The following DSCAM variants were observed in gnomAD, a reference collection of about 807,000 sequenced individuals.
DSCAM encodes the protein DS cell adhesion molecule, also known as cell adhesion molecule DSCAM.
DSCAM carries 47 observed loss-of-function variants against 217.7 expected under a neutral mutation model. The observed-to-expected ratio is 0.22, with a 90% CI of 0.17 to 0.28. The LOEUF is 0.28. Among genes scored for constraint, DSCAM ranks in the 10% least tolerant of loss-of-function variants. The pLI, the probability that DSCAM is intolerant of heterozygous loss-of-function variation, is 1.00. For synonymous variants in DSCAM, 1,056 were observed against 1,015.3 expected (o/e 1.04, Z -0.76); for missense variants, 2,080 against 2,618.3 (o/e 0.79, Z 4.49).
rs1236259725 is a variant in DSCAM, at chr21:40,442,586, C to T, written c.509-73341G>A. Among the ~76,000 whole-genome samples, 9 of 136,618 alleles carry T rather than the reference C, an allele frequency of 6.6e-5. No individual in the cohort carries two copies. In the East Asian group the frequency reaches 2.0e-3, roughly 30 times the overall value. 89.6% of individuals were successfully genotyped at this position (136,618 alleles called of 152,430 possible). A position where few individuals can be genotyped will look rare whatever the true frequency, so the allele number is the denominator to read the frequency against. On this transcript the variant is annotated intron_variant, in intron 3 of 32. Coordinates refer to ENST00000400454, the MANE Select transcript of DSCAM (RefSeq NM_001389.5). ...CCAGGCCGGAGTGCAGTGGCACGATCTCGGCTCACTGCAACCTCTGCCTCC... is the reference window on the plus strand; with the variant it reads ...CCAGGCCGGAGTGCAGTGGCACGATTTCGGCTCACTGCAACCTCTGCCTCC...
chr21:40,574,202 C>A (rs2076831042), intron 3 of DSCAM, among the ~76,000 whole-genome samples: 1 of 152,006 alleles, frequency 6.6e-6, no homozygotes. Flanking sequence ...AAAAATATCC[C>A]TTATGGTCCA....
In DSCAM at chr21:40,077,003, A is replaced by C. The variant is rs895495745; in HGVS notation, c.4711+1684T>G. 1.6e-4 allele frequency among the ~76,000 whole-genome samples: 24 copies of C among 152,204 alleles called. 1 individual carries two copies. The highest frequency in any genetic ancestry group is 1.5e-3 in the Admixed American group (23 of 15,274). ...TATTACAGGGAGAGGCCAGCTTGGA[A>C]GTGCTCCTCTGCCTCTGGGTGATGC... On this transcript the variant is annotated intron_variant, in intron 26 of 32. Transcript: ENST00000400454.
At chr21:40,175,110 ATTTCTG>A (rs2090710132) in intron 15 of DSCAM, among the ~76,000 whole-genome samples, 1 of 151,986 alleles carries the variant, frequency 6.6e-6, no homozygotes, top group South Asian at 2.1e-4. Flanking sequence ...AAGTTTATTT[ATTTCTG>A]TTTCTTTTTT....
At chr21:40,332,400 A>T (rs2074386905) in intron 8 of DSCAM, among the ~76,000 whole-genome samples, 2 of 152,142 alleles carry the variant, frequency 1.3e-5, no homozygotes, top group South Asian at 4.1e-4. Flanking sequence ...TCTTTCCCTG[A>T]TTATGCTTTA....
intron 1 of DSCAM, among the ~76,000 whole-genome samples, chr21:40,821,366 TGCATGCACACACACAGACACAC>T (rs2091925498): frequency 6.6e-6 from 1 of 150,998 alleles, no homozygotes; most frequent in South Asian, 2.1e-4. Context: ...TTTATGTGCA[TGCATGCACACACACAGACACAC>T]GCGCGCACAC....
At chr21:40,682,272 A>G (rs1366182180) in intron 3 of DSCAM, among the ~76,000 whole-genome samples, 1 of 152,134 alleles carries the variant, frequency 6.6e-6, no homozygotes, top group Non-Finnish European at 1.5e-5. Flanking sequence ...TCATGGATGA[A>G]GCCCTGGAAG....
In DSCAM at chr21:40,369,385, C is replaced by CATGTGTGT. The variant is rs1555910396; in HGVS notation, c.509-141_509-140insACACACAT. On this transcript the variant is annotated intron_variant, in intron 3 of 32. Transcript: ENST00000400454. Reference sequence around the variant, plus strand: ...GGCTAAAAATGGGTGCGTGCGTCTGCGTGTGTGTGTGTGTGTGTGTGTGTG... The same window carrying CATGTGTGT: ...GGCTAAAAATGGGTGCGTGCGTCTGCATGTGTGTGTGTGTGTGTGTGTGTGTGTGTGTG... The CATGTGTGT allele has an allele frequency of 2.1e-5, 8 of 385,498 alleles. No individual in the cohort carries two copies. The East Asian group carries it at 2.9e-4, about 14-fold the overall frequency. The allele number at this position is 385,498 out of a possible 1,614,324, so 23.9% of individuals were successfully genotyped here. A position where few individuals can be genotyped will look rare whatever the true frequency, so the allele number is the denominator to read the frequency against.
chr21:40,124,858 T>A (rs1444624073), intron 19 of DSCAM, among the ~76,000 whole-genome samples: 2 of 152,208 alleles, frequency 1.3e-5, no homozygotes, highest in Non-Finnish European at 1.5e-5. Context: ...CAGTCAGTTC[T>A]AGTCCCTCTT....
At chr21:40,215,796 A>G (rs1467086076) in intron 11 of DSCAM, among the ~76,000 whole-genome samples, 2 of 152,176 alleles carry the variant, frequency 1.3e-5, no homozygotes, top group Admixed American at 6.5e-5. Context: ...AAAACTAATG[A>G]AAGAAAAAAA....
At chr21:40,659,320 T>C in intron 3 of DSCAM, among the ~76,000 whole-genome samples, 1 of 152,112 alleles carries the variant, frequency 6.6e-6, no homozygotes, top group Non-Finnish European at 1.5e-5. Flanking sequence ...CTTTAAAACA[T>C]CCTCTGTTCA....
chr21:40,355,294 C>G (rs117043406), intron 4 of DSCAM, among the ~76,000 whole-genome samples: 7 of 152,088 alleles, frequency 4.6e-5, no homozygotes, highest in African/African-American at 1.7e-4. Flanking sequence ...TGAGCACTAC[C>G]GACAGCATGT....
In DSCAM at chr21:40,312,228, C is replaced by T; in HGVS notation, c.1915G>A (p.Gly639Arg). ...TWQKDGRPIP[G>R]SLGVTIDNID... ...TTGTCAATGGTCACCCCAAGGCTCC[C>T]AGGGATTGGCCGGCCATCCTTCTGC... The change falls in exon 9 of 33, where the codon GGG becomes AGG. Residue 639 changes from glycine (G) to arginine (R), a missense_variant. Gly to Arg is a moderately radical substitution (Grantham distance 125, BLOSUM62 -2). Transcript: ENST00000400454. The T allele has an allele frequency of 6.2e-7, 1 of 1,614,114 alleles. No homozygotes were observed. The highest frequency in any genetic ancestry group is 8.5e-7 in the Non-Finnish European group (1 of 1,180,016).
intron 3 of DSCAM, among the ~76,000 whole-genome samples, chr21:40,668,570 G>A (rs1187417108): frequency 6.6e-6 from 1 of 152,098 alleles, no homozygotes; most frequent in Non-Finnish European, 1.5e-5. Flanking sequence ...GCAACACCTG[G>A]GAGCTCATTA....
At position 40,538,209 on chromosome 21, in the gene DSCAM, G is replaced by A. The variant is rs547789906; in HGVS notation, c.508+154601C>T. On this transcript the variant is annotated intron_variant, in intron 3 of 32. Coordinates refer to ENST00000400454, the MANE Select transcript of DSCAM (RefSeq NM_001389.5). The stretch of plus-strand genomic sequence containing the variant: ...GCCCTTCTGCCCTCTCCACTCAGAG[G>A]TCACGTGTTTGATCAAGAGATGGGG... Among the ~76,000 whole-genome samples, 8 of 152,236 alleles carry A rather than the reference G, an allele frequency of 5.3e-5. No individual in the cohort carries two copies. The South Asian group carries it at 1.7e-3, about 32-fold the overall frequency.
chr21:40,717,660 T>C (rs987310319), intron 1 of DSCAM, among the ~76,000 whole-genome samples: 2 of 152,224 alleles, frequency 1.3e-5, no homozygotes, highest in Non-Finnish European at 2.9e-5. Flanking sequence ...TGGTTAGGAC[T>C]GGGTAACGGG....
chr21:40,692,743 C>T (rs2090551021), intron 3 of DSCAM, 67 bp downstream of exon 3: 1 of 1,541,386 alleles, frequency 6.5e-7, no homozygotes, highest in Admixed American at 1.8e-5. Flanking sequence ...AGACCCGATT[C>T]CATCTCTGAA....
At chr21:40,448,961 G>A (rs1169007413) in intron 3 of DSCAM, among the ~76,000 whole-genome samples, 1 of 152,108 alleles carries the variant, frequency 6.6e-6, no homozygotes, top group Non-Finnish European at 1.5e-5. Flanking sequence ...ACTAAATGAA[G>A]GTGGGCAGGA....
At chr21:40,768,413 G>C (rs1400310164) in intron 1 of DSCAM, among the ~76,000 whole-genome samples, 5 of 151,482 alleles carry the variant, frequency 3.3e-5, no homozygotes, top group African/African-American at 1.2e-4. Flanking sequence ...AAGTTTCCAA[G>C]TGATTTTATG....
chr21:40,231,953 G>A (rs1443901465), intron 11 of DSCAM, among the ~76,000 whole-genome samples: 2 of 152,156 alleles, frequency 1.3e-5, no homozygotes, highest in African/African-American at 2.4e-5. Context: ...TGAGAAACTG[G>A]TCTGGACACC....
Sources: allele counts gnomAD v4.1 joint callset (sites outside exome capture counted in the v4.1 genomes callset), GRCh38; gene constraint gnomAD v4.1.1; transcripts MANE v1.5; gene names NCBI Gene and HGNC (gene_info 2026-07-23, HGNC 2026-07-21).